The following SCTR variants were observed in gnomAD, a reference collection of about 807,000 sequenced individuals.
SCTR encodes the protein pancreatic secretin receptor.
SCTR carries 56 observed loss-of-function variants against 60.8 expected under a neutral mutation model. The observed-to-expected ratio is 0.92, with a 90% CI of 0.74 to 1.15. The LOEUF (loss-of-function observed/expected upper bound fraction) is 1.15. Ranked by LOEUF, SCTR falls within the 50% of genes most tolerant of loss-of-function variation. The pLI, the probability that SCTR is intolerant of heterozygous loss-of-function variation, is 0.00. For synonymous variants in SCTR, 202 were observed against 217.0 expected, an observed-to-expected ratio of 0.93 and a Z score of 0.61; for missense variants, 562 against 550.4, an observed-to-expected ratio of 1.02 and a Z score of -0.21.
intron 3 of SCTR, among the ~76,000 whole-genome samples, chr2:119,478,243 C>T (rs1255880406): frequency 9.9e-5 from 15 of 152,118 alleles, no homozygotes; most frequent in Admixed American, 9.8e-4. Context: ...TAAATGAGCC[C>T]GTATGTACAT....
At chr2:119,474,099 C>T (rs1677156800) in intron 3 of SCTR, among the ~76,000 whole-genome samples, 1 of 152,170 alleles carries the variant, frequency 6.6e-6, no homozygotes. Context: ...CTCTGCATTT[C>T]TCTGCATAAT....
intron 4 of SCTR, among the ~76,000 whole-genome samples, chr2:119,466,468 C>T (rs2587696): frequency 0.6 from 90,860 of 152,104 alleles, 28,416 homozygotes; most frequent in Non-Finnish European, 0.69. Flanking sequence ...TTCCCTGTGT[C>T]AGGTCGGGTG....
At chr2:119,455,574 G>A (rs2165063) in intron 7 of SCTR, among the ~76,000 whole-genome samples, 1,545 of 152,282 alleles carry the variant, frequency 0.01, 27 homozygotes, top group African/African-American at 0.036. Context: ...GGGAGTGCCC[G>A]GAGAACAAGA....
At chr2:119,502,708 G>C (rs1678591441) in intron 1 of SCTR, among the ~76,000 whole-genome samples, 1 of 151,992 alleles carries the variant, frequency 6.6e-6, no homozygotes, top group Admixed American at 6.6e-5. Flanking sequence ...AAAGGAATGA[G>C]CTGCTGGGCA....
At chr2:119,467,894 A>G (rs567861101) in intron 4 of SCTR, among the ~76,000 whole-genome samples, 2 of 152,342 alleles carry the variant, frequency 1.3e-5, no homozygotes, top group Admixed American at 6.5e-5. Context: ...ATATGTAAAA[A>G]CATATTAGGG....
At chr2:119,518,529 C>T (rs1184051772) in intron 1 of SCTR, among the ~76,000 whole-genome samples, 1 of 152,194 alleles carries the variant, frequency 6.6e-6, no homozygotes, top group Non-Finnish European at 1.5e-5. Flanking sequence ...CCAGGGATGA[C>T]CCTCCCCAAA....
At chr2:119,457,147 T>C (rs1683406093) in intron 7 of SCTR, among the ~76,000 whole-genome samples, 1 of 152,214 alleles carries the variant, frequency 6.6e-6, no homozygotes, top group African/African-American at 2.4e-5. Context: ...AGATTTCCTA[T>C]TGCATTTGAT....
At chr2:119,474,138 C>A (rs1677158781) in intron 3 of SCTR, among the ~76,000 whole-genome samples, 1 of 152,208 alleles carries the variant, frequency 6.6e-6, no homozygotes, top group South Asian at 2.1e-4. Flanking sequence ...AGTCCTCCGG[C>A]TCAGCTGCTC....
At chr2:119,501,531 G>A (rs1463914119) in intron 1 of SCTR, among the ~76,000 whole-genome samples, 1 of 152,120 alleles carries the variant, frequency 6.6e-6, no homozygotes, top group African/African-American at 2.4e-5. Flanking sequence ...ATACAGTTAG[G>A]TAGAAGGAAT....
At chr2:119,518,958 A>C (rs1272256962) in intron 1 of SCTR, among the ~76,000 whole-genome samples, 1 of 152,122 alleles carries the variant, frequency 6.6e-6, no homozygotes, top group African/African-American at 2.4e-5. Context: ...GACGATGCCA[A>C]AGCAGGTGGA....
At chr2:119,477,458 T>C (rs1677380735) in intron 3 of SCTR, among the ~76,000 whole-genome samples, 1 of 151,980 alleles carries the variant, frequency 6.6e-6, no homozygotes, top group African/African-American at 2.4e-5. Context: ...TGTTTGTTTG[T>C]TTGTTTGTTT....
chr2:119,480,793 T>C (rs1447705926), intron 2 of SCTR: 1 of 152,274 alleles, frequency 6.6e-6, no homozygotes, highest in Non-Finnish European at 1.5e-5. Context: ...GGGGTCAGGC[T>C]TGGAAGGGGC....
chr2:119,518,084 G>C (rs931253418), intron 1 of SCTR, among the ~76,000 whole-genome samples: 2 of 152,162 alleles, frequency 1.3e-5, no homozygotes, highest in Non-Finnish European at 2.9e-5. Flanking sequence ...CCATGTGCAA[G>C]CCAGGAAGAG....
At position 119,524,140 on chromosome 2, in the gene SCTR, G is replaced by T; in HGVS notation, c.72+15C>A. The T allele has an allele frequency of 6.5e-7, 1 of 1,543,598 alleles. No individual in the cohort carries two copies. The highest frequency in any genetic ancestry group is 1.2e-5 in the South Asian group (1 of 83,924). The stretch of plus-strand genomic sequence containing the variant: ...TCCCTCGGGTCCCCAGCCTGCAGAA[G>T]GGCGCAGTACTCACCGAGTGCGCGG... On this transcript the variant is annotated intron_variant, in intron 1 of 12. Transcript: ENST00000019103.
In SCTR at chr2:119,458,616, G is replaced by T. The variant is rs567058329; in HGVS notation, c.790+3231C>A. On this transcript the variant is annotated intron_variant, in intron 7 of 12. Transcript: ENST00000019103. ...ACTCTCTCTCAAAAAAAAAAAAAAA[G>T]TCTTGCCTCAATTCTTAGTGCTTTG... Among the ~76,000 whole-genome samples, 5 of 150,416 alleles carry T rather than the reference G, an allele frequency of 3.3e-5. No individual in the cohort carries two copies. The East Asian group carries it at 9.8e-4, about 29-fold the overall frequency.
intron 1 of SCTR, among the ~76,000 whole-genome samples, chr2:119,512,054 T>G (rs1333120792): frequency 1.3e-5 from 2 of 152,200 alleles, no homozygotes; most frequent in Admixed American, 6.5e-5. Flanking sequence ...TGAAATTTCT[T>G]GAGGAAATGG....
chr2:119,466,040 A>T (rs1683821938), intron 4 of SCTR, among the ~76,000 whole-genome samples, 154 bp from the exon 5 acceptor site: 1 of 152,078 alleles, frequency 6.6e-6, no homozygotes. Context: ...TAACACCGTA[A>T]CATCCTGGCA....
At chr2:119,519,555 C>T (rs997234202) in intron 1 of SCTR, among the ~76,000 whole-genome samples, 6 of 151,730 alleles carry the variant, frequency 4.0e-5, no homozygotes, top group African/African-American at 1.5e-4. Flanking sequence ...GCCTGTAATC[C>T]CAGCACTTTG....
In SCTR at chr2:119,452,554, C is replaced by A. The variant is rs981164874; in HGVS notation, c.852-475G>T. ...ATTTTTGCCACAAGGAAAAATGGAACGTGTTAAAGGACCTCTCCATTTTTT... is the reference window on the plus strand; with the variant it reads ...ATTTTTGCCACAAGGAAAAATGGAAAGTGTTAAAGGACCTCTCCATTTTTT... On this transcript the variant is annotated intron_variant, in intron 8 of 12. Coordinates refer to ENST00000019103, the MANE Select transcript of SCTR (RefSeq NM_002980.3). Among the ~76,000 whole-genome samples the A allele has an allele frequency of 9.9e-5, 15 of 152,092 alleles. No homozygotes were observed. In the East Asian group the frequency reaches 2.9e-3, roughly 29 times the overall value.
Sources: allele counts gnomAD v4.1 joint callset (sites outside exome capture counted in the v4.1 genomes callset), GRCh38; gene constraint gnomAD v4.1.1; transcripts MANE v1.5; gene names NCBI Gene and HGNC (gene_info 2026-07-23, HGNC 2026-07-21).